Variants in ZNF148 observed in about 807,000 individuals in gnomAD.
The protein encoded by ZNF148 is Beta-Enolase Repressor Factor-1.
ZNF148 carries 7 observed loss-of-function variants against 67.7 expected under a neutral mutation model. That is an observed-to-expected ratio of 0.10 (90% CI 0.06 to 0.19). The LOEUF (loss-of-function observed/expected upper bound fraction) is 0.19. Ranked by LOEUF, ZNF148 falls within the 10% of genes least tolerant of loss-of-function variation. The pLI is 1.00. For synonymous variants in ZNF148, 333 were observed against 330.7 expected, an observed-to-expected ratio of 1.01 and a Z score of -0.08; for missense variants, 583 against 947.1, an observed-to-expected ratio of 0.62 and a Z score of 5.05.
intron 1 of ZNF148, among the ~76,000 whole-genome samples, chr3:125,349,068 C>T (rs1417616526): frequency 1.3e-5 from 2 of 152,162 alleles, no homozygotes; most frequent in Admixed American, 6.5e-5. Flanking sequence ...TCATTTTACA[C>T]CATACATAAA....
intron 4 of ZNF148, among the ~76,000 whole-genome samples, chr3:125,312,969 G>C (rs527766987): frequency 1.5e-4 from 23 of 152,264 alleles, no homozygotes; most frequent in Non-Finnish European, 2.5e-4. Flanking sequence ...CCTTGAATGT[G>C]TGATATTTTT....
At chr3:125,305,991 A>G (rs567316373) in intron 4 of ZNF148, among the ~76,000 whole-genome samples, 5 of 152,274 alleles carry the variant, frequency 3.3e-5, no homozygotes, top group East Asian at 1.9e-4. Flanking sequence ...CATACAGCAT[A>G]TATTTTCTAA....
chr3:125,244,826 C>T (rs935080493), intron 7 of ZNF148, among the ~76,000 whole-genome samples: 3 of 152,114 alleles, frequency 2.0e-5, no homozygotes, highest in Non-Finnish European at 4.4e-5. Context: ...TCTCAACAAG[C>T]ATTCAACTCA....
rs1942173627 is a variant in ZNF148 at position 125,352,122 on chromosome 3, G to C, written c.-233-20884C>G. ...CGTTCACAGCAGCATTATTCACAATGGCCAAAAAAAAAAAAACAAAGTGGA... is the reference window on the plus strand; with the variant it reads ...CGTTCACAGCAGCATTATTCACAATCGCCAAAAAAAAAAAAACAAAGTGGA... On this transcript the variant is annotated intron_variant, in intron 1 of 8. Transcript: ENST00000360647. Among the ~76,000 whole-genome samples the C allele has an allele frequency of 3.3e-5, 4 of 119,590 alleles. No homozygotes were observed. The South Asian group carries it at 1.1e-3, about 32-fold the overall frequency. 78.5% of individuals were successfully genotyped at this position (119,590 alleles called of 152,430 possible).
At chr3:125,328,998 G>GATATATATATATATATAT (rs10565589) in intron 2 of ZNF148, among the ~76,000 whole-genome samples, 10 of 147,474 alleles carry the variant, frequency 6.8e-5, no homozygotes, top group African/African-American at 9.9e-5. Context: ...TTATACTACT[G>GATATATATATATATATAT]ATATATATAT....
At chr3:125,365,013 C>T (rs1202847095) in intron 1 of ZNF148, among the ~76,000 whole-genome samples, 2 of 152,134 alleles carry the variant, frequency 1.3e-5, no homozygotes, top group Admixed American at 6.6e-5. Context: ...TGCCTATTAT[C>T]TTATTTATCC....
chr3:125,256,967 GTTT>G (rs10576530), intron 7 of ZNF148, among the ~76,000 whole-genome samples: 14,710 of 107,770 alleles, frequency 0.14, 852 homozygotes, highest in Middle Eastern at 0.21. Flanking sequence ...AGAACTTCCA[GTTT>G]TTTTTTTTTT....
chr3:125,312,238 C>T (rs961621624), intron 4 of ZNF148, among the ~76,000 whole-genome samples: 4 of 152,136 alleles, frequency 2.6e-5, no homozygotes, highest in African/African-American at 9.7e-5. Context: ...ATACCACAAA[C>T]AAGCAGGATT....
intron 4 of ZNF148, among the ~76,000 whole-genome samples, chr3:125,312,928 A>C (rs868561317): frequency 3.0e-4 from 45 of 152,302 alleles, no homozygotes; most frequent in Middle Eastern, 3.4e-3. Flanking sequence ...AAATTTAAGA[A>C]GGCAAGAATT....
intron 5 of ZNF148, among the ~76,000 whole-genome samples, chr3:125,284,109 G>T (rs1349972): frequency 0.78 from 117,964 of 151,890 alleles, 46,404 homozygotes; most frequent in African/African-American, 0.87. Context: ...TACTAAGGAG[G>T]TGGAAAAGAC....
chr3:125,262,065 C>A (rs1183823110), intron 7 of ZNF148, among the ~76,000 whole-genome samples: 1 of 151,952 alleles, frequency 6.6e-6, no homozygotes, highest in African/African-American at 2.4e-5. Flanking sequence ...ATTAGCATTC[C>A]CTATCATTAA....
intron 4 of ZNF148, among the ~76,000 whole-genome samples, chr3:125,290,803 C>T (rs1179129930): frequency 6.6e-6 from 1 of 152,046 alleles, no homozygotes; most frequent in Non-Finnish European, 1.5e-5. Flanking sequence ...ATGTGTCATA[C>T]TCTAACTGAA....
chr3:125,362,913 G>A (rs996608822), intron 1 of ZNF148, among the ~76,000 whole-genome samples: 46 of 152,150 alleles, frequency 3.0e-4, no homozygotes, highest in African/African-American at 1.1e-3. Context: ...TTATGTCACT[G>A]TAATGATTCT....
intron 7 of ZNF148, among the ~76,000 whole-genome samples, chr3:125,276,408 TTTTA>T (rs34560368): frequency 4.4e-4 from 67 of 151,660 alleles, no homozygotes; most frequent in Middle Eastern, 3.4e-3. Context: ...ACAGTTAAAG[TTTTA>T]TTTATTTATT....
chr3:125,349,226 G>A (rs1942053493), intron 1 of ZNF148, among the ~76,000 whole-genome samples: 1 of 152,180 alleles, frequency 6.6e-6, no homozygotes, highest in Admixed American at 6.5e-5. Context: ...AAACAGACAA[G>A]TGAGATTACA....
At chr3:125,340,043 A>C (rs1190455271) in intron 1 of ZNF148, among the ~76,000 whole-genome samples, 3 of 152,206 alleles carry the variant, frequency 2.0e-5, no homozygotes, top group Non-Finnish European at 4.4e-5. Flanking sequence ...CACTGAAATA[A>C]TAAGCAAAGG....
chr3:125,237,340 G>A (rs184806342), intron 7 of ZNF148, among the ~76,000 whole-genome samples: 1 of 152,298 alleles, frequency 6.6e-6, no homozygotes, highest in East Asian at 1.9e-4. Context: ...CCAGCACTTT[G>A]GGAGGCTGTG....
chr3:125,372,706 G>A (rs1014613203), intron 1 of ZNF148, among the ~76,000 whole-genome samples: 1 of 152,132 alleles, frequency 6.6e-6, no homozygotes, highest in Non-Finnish European at 1.5e-5. Flanking sequence ...AGTGGCTCAC[G>A]CCTGTAATCC....
At position 125,341,804 on chromosome 3, in the gene ZNF148, G is replaced by A. The variant is rs561094229; in HGVS notation, c.-233-10566C>T. 2.0e-5 allele frequency among the ~76,000 whole-genome samples: 3 copies of A among 152,140 alleles called. No individual in the cohort carries two copies. In the South Asian group the frequency reaches 6.2e-4, roughly 32 times the overall value. ...GAGCTTAGGAGTTCAAGACCAGCCT[G>A]GGCAACATGGCGAAACACCATCTCT... is the stretch of plus-strand genomic sequence containing the variant. On this transcript the variant is annotated intron_variant, in intron 1 of 8. Transcript: ENST00000360647.
Sources: gnomAD v4.1 joint callset for allele counts (sites outside exome capture counted in the v4.1 genomes callset) on GRCh38, gnomAD v4.1.1 for gene constraint, MANE v1.5 for transcripts, NCBI Gene and HGNC (gene_info 2026-07-23, HGNC 2026-07-21) for gene names.